Variants in VAV3 observed in about 807,000 individuals in gnomAD.
VAV3 encodes vav guanine nucleotide exchange factor 3, also known as guanine nucleotide exchange factor VAV3.
VAV3 carries 94 observed loss-of-function variants against 131.2 expected under a neutral mutation model. The observed-to-expected ratio is 0.72, with a 90% CI of 0.61 to 0.85. The LOEUF (loss-of-function observed/expected upper bound fraction) is 0.85. Ranked by LOEUF, VAV3 falls within the 40% of genes least tolerant of loss-of-function variation. VAV3 has a pLI of 0.00. For missense variants in VAV3, 939 were observed against 1,002.7 expected (o/e 0.94, Z 0.86); for synonymous variants, 349 against 342.0 (o/e 1.02, Z -0.22).
At chr1:107,664,348 CA>C (rs1422874217) in intron 19 of VAV3, among the ~76,000 whole-genome samples, 1 of 123,680 alleles carries the variant, frequency 8.1e-6, no homozygotes, top group Non-Finnish European at 1.7e-5. Context: ...TCTCCCTCCC[CA>C]ACCCCCCACA....
chr1:107,836,012 C>A (rs1242651314), intron 2 of VAV3, among the ~76,000 whole-genome samples: 1 of 152,200 alleles, frequency 6.6e-6, no homozygotes, highest in Non-Finnish European at 1.5e-5. Flanking sequence ...ATACACCTAA[C>A]ACTGGAGCAT....
chr1:107,732,061 T>C (rs1662275823), intron 15 of VAV3, among the ~76,000 whole-genome samples: 2 of 152,212 alleles, frequency 1.3e-5, no homozygotes, highest in Non-Finnish European at 2.9e-5. Context: ...AGGAGCCCAA[T>C]AACTCTGAAA....
At chr1:107,629,833 A>T (rs2101367696) in intron 20 of VAV3, among the ~76,000 whole-genome samples, 1 of 152,288 alleles carries the variant, frequency 6.6e-6, no homozygotes, top group South Asian at 2.1e-4. Context: ...TCAAAGAAAG[A>T]AAGTTCCTGA....
chr1:107,622,862 G>C (rs1253850386), intron 20 of VAV3, among the ~76,000 whole-genome samples: 1 of 152,154 alleles, frequency 6.6e-6, no homozygotes, highest in African/African-American at 2.4e-5. Flanking sequence ...TGAATACACT[G>C]TATACACAAA....
At chr1:107,654,289 G>T (rs1656381525) in intron 19 of VAV3, among the ~76,000 whole-genome samples, 2 of 151,992 alleles carry the variant, frequency 1.3e-5, no homozygotes, top group East Asian at 3.9e-4. Context: ...TAGTGAGAAT[G>T]ATAGCTTTTA....
intron 10 of VAV3, among the ~76,000 whole-genome samples, chr1:107,759,940 T>C (rs1372904991): frequency 1.3e-5 from 2 of 152,158 alleles, no homozygotes; most frequent in Non-Finnish European, 2.9e-5. Context: ...TTTGACTAAG[T>C]TGCTTTGAGT....
chr1:107,641,304 A>G (rs1655318847), intron 20 of VAV3, among the ~76,000 whole-genome samples: 1 of 152,160 alleles, frequency 6.6e-6, no homozygotes, highest in African/African-American at 2.4e-5. Flanking sequence ...TGCACAATTG[A>G]TTATTATCCA....
chr1:107,617,988 GC>G (rs1342823006), intron 20 of VAV3, among the ~76,000 whole-genome samples: 1 of 152,110 alleles, frequency 6.6e-6, no homozygotes, highest in Non-Finnish European at 1.5e-5. Context: ...TGGGGGCGTG[GC>G]AGGTGGTTTC....
intron 25 of VAV3, among the ~76,000 whole-genome samples, chr1:107,594,060 C>A (rs1651178859): frequency 6.6e-6 from 1 of 152,038 alleles, no homozygotes; most frequent in African/African-American, 2.4e-5. Context: ...AATGGTATCA[C>A]AAATTTGATC....
At position 107,925,149 on chromosome 1, in the gene VAV3, G is replaced by A. The variant is rs963468682; in HGVS notation, c.204+39517C>T. Among the ~76,000 whole-genome samples, 3 of 152,050 alleles carry A rather than the reference G, an allele frequency of 2.0e-5. No individual in the cohort carries two copies. The East Asian group carries it at 5.8e-4, about 29-fold the overall frequency. On this transcript the variant is annotated intron_variant, in intron 1 of 26. Transcript: ENST00000370056. ...GTGCATTATGTGTGATTCTATTTAC[G>A]TACACTTAAAAAAAAGAAATCAGAA...
intron 22 of VAV3, among the ~76,000 whole-genome samples, chr1:107,605,747 G>GAT (rs999917933): frequency 1.3e-5 from 2 of 152,094 alleles, no homozygotes; most frequent in African/African-American, 4.8e-5. Flanking sequence ...TTGTGTATAA[G>GAT]ATATATATAA....
intron 1 of VAV3, among the ~76,000 whole-genome samples, chr1:107,881,198 T>C (rs1376462668): frequency 6.6e-6 from 1 of 152,156 alleles, no homozygotes; most frequent in Non-Finnish European, 1.5e-5. Flanking sequence ...CAGGACATTA[T>C]CATATAATTT....
chr1:107,964,758 G>C lies in VAV3; in HGVS notation c.112C>G (p.Arg38Gly). ...AQVFDLAQTL[R>G]DGVLLCQLLN... The stretch of plus-strand genomic sequence containing the variant: ...AGCTGGCAGAGCAGGACTCCATCGC[G>C]GAGGGTCTGCGCAAGGTCGAACACC... The change falls in exon 1 of 27, where the codon CGC (arginine) becomes GGC (glycine). Residue 38 changes from arginine to glycine, a missense_variant. Coordinates refer to ENST00000370056, the MANE Select transcript of VAV3 (RefSeq NM_006113.5). The C allele has an allele frequency of 1.2e-6, 2 of 1,614,116 alleles. No homozygotes were observed. The highest frequency in any genetic ancestry group is 1.7e-6 in the Non-Finnish European group (2 of 1,180,016).
chr1:107,678,324 G>C (rs999381158), intron 19 of VAV3, among the ~76,000 whole-genome samples: 1 of 152,102 alleles, frequency 6.6e-6, no homozygotes, highest in African/African-American at 2.4e-5. Context: ...TGAGAAATTA[G>C]CTTTAGAGGT....
chr1:107,712,919 C>A (rs1412683819), intron 15 of VAV3, among the ~76,000 whole-genome samples: 1 of 152,070 alleles, frequency 6.6e-6, no homozygotes, highest in Non-Finnish European at 1.5e-5. Context: ...GGATTTTCTA[C>A]AGAAATAGGT....
intron 1 of VAV3, among the ~76,000 whole-genome samples, chr1:107,916,945 T>C (rs1241643310): frequency 6.6e-6 from 1 of 151,588 alleles, no homozygotes; most frequent in Non-Finnish European, 1.5e-5. Context: ...ACAAGACAAG[T>C]TGAGGGGATG....
intron 2 of VAV3, among the ~76,000 whole-genome samples, chr1:107,799,725 T>C (rs1436665354): frequency 2.6e-5 from 4 of 152,230 alleles, no homozygotes; most frequent in Admixed American, 6.5e-5. Context: ...TCCAGCCATC[T>C]TGAAATGTAC....
Position 107,573,117 on chromosome 1 carries a change from G to C in VAV3, c.*214C>G. 1 of 515,994 alleles carries C rather than the reference G, an allele frequency of 1.9e-6. No individual in the cohort carries two copies. The highest frequency in any genetic ancestry group is 3.8e-5 in the South Asian group (1 of 26,324). The allele number at this position is 515,994 out of a possible 1,614,324, so 32.0% of individuals were successfully genotyped here. A position where few individuals can be genotyped will look rare whatever the true frequency, so the allele number is the denominator to read the frequency against. On this transcript the variant is annotated 3_prime_UTR_variant, in exon 27 of 27. Transcript: ENST00000370056. ...CCTGACAATGACAGACTGGCAGGCT[G>C]TTTCTTGCACAGCTCTAGGCAAGCC...
At position 107,738,565 on chromosome 1, in the gene VAV3, A is replaced by G. The variant is rs200513412; in HGVS notation, c.1502+10403T>C. Among the ~76,000 whole-genome samples the G allele has an allele frequency of 3.2e-4, 48 of 152,276 alleles. No individual in the cohort carries two copies. In the East Asian group the frequency reaches 6.8e-3, roughly 21 times the overall value. On this transcript the variant is annotated intron_variant, in intron 15 of 26. Coordinates refer to ENST00000370056, the MANE Select transcript of VAV3 (RefSeq NM_006113.5). ...AGCCTGCTATTGTCTACTGCCCCAT[A>G]AAGACAAAAAACTAAGTTTCTCCCA...
Sources: gnomAD v4.1 joint callset for allele counts (sites outside exome capture counted in the v4.1 genomes callset) on GRCh38, gnomAD v4.1.1 for gene constraint, MANE v1.5 for transcripts, NCBI Gene and HGNC (gene_info 2026-07-23, HGNC 2026-07-21) for gene names.